The following CDK19 variants were observed in gnomAD, a reference collection of about 807,000 sequenced individuals.
CDK19 encodes cyclin dependent kinase 19, also known as cyclin-dependent kinase 19.
CDK19 carries 20 observed loss-of-function variants against 68.3 expected under a neutral mutation model. The observed-to-expected ratio is 0.29, with a 90% CI of 0.21 to 0.43. The LOEUF is 0.43. Among genes scored for constraint, CDK19 ranks in the 20% least tolerant of loss-of-function variants. CDK19 has a pLI of 1.00. For missense variants in CDK19, 339 were observed against 623.5 expected, an observed-to-expected ratio of 0.54 and a Z score of 4.86; for synonymous variants, 221 against 222.8, an observed-to-expected ratio of 0.99 and a Z score of 0.07.
At chr6:110,715,128 T>C (rs1775273142) in intron 2 of CDK19, among the ~76,000 whole-genome samples, 1 of 152,198 alleles carries the variant, frequency 6.6e-6, no homozygotes, top group East Asian at 1.9e-4. Context: ...CACCTTTTCT[T>C]GAATTCTTCA....
intron 1 of CDK19, among the ~76,000 whole-genome samples, chr6:110,766,621 T>C (rs1006796198): frequency 3.9e-5 from 6 of 152,132 alleles, no homozygotes; most frequent in East Asian, 1.9e-4. Flanking sequence ...TGCAGCATCA[T>C]TGACCCTGCA....
intron 2 of CDK19, chr6:110,706,371 A>T (rs1774473241): frequency 6.6e-6 from 1 of 150,702 alleles, no homozygotes; most frequent in African/African-American, 2.4e-5. Flanking sequence ...TGTTGTTTAC[A>T]ACAATGTCAA....
intron 2 of CDK19, among the ~76,000 whole-genome samples, chr6:110,720,753 G>A (rs193178080): frequency 8.6e-5 from 13 of 151,592 alleles, no homozygotes; most frequent in East Asian, 3.9e-4. Flanking sequence ...TGTAGTCCCA[G>A]CTACTTGGGA....
At chr6:110,711,012 TTA>T (rs1774900805) in intron 2 of CDK19, among the ~76,000 whole-genome samples, 2 of 152,134 alleles carry the variant, frequency 1.3e-5, no homozygotes, top group African/African-American at 4.8e-5. Context: ...GTTATGAATA[TTA>T]GAGACATCCA....
chr6:110,615,728 G>C (rs1778270536), intron 12 of CDK19, among the ~76,000 whole-genome samples: 1 of 152,074 alleles, frequency 6.6e-6, no homozygotes, highest in African/African-American at 2.4e-5. Flanking sequence ...CTACTAAAAG[G>C]CCACAAGTTT....
intron 8 of CDK19, 149 bp from the exon 9 acceptor site, chr6:110,623,511 G>C: frequency 9.4e-7 from 1 of 1,061,968 alleles, no homozygotes; most frequent in East Asian, 2.6e-5. Context: ...CCAAATATTA[G>C]CAAATGTGTG....
chr6:110,814,758 G>A (rs1263169204), intron 1 of CDK19: 2 of 648,084 alleles, frequency 3.1e-6, no homozygotes, highest in Non-Finnish European at 2.8e-6. Flanking sequence ...GCACTCGGAG[G>A]GCGCCCCTCT....
Position 110,613,199 on chromosome 6 carries a change from T to C in CDK19, c.*1336A>G, listed in dbSNP as rs1462557850. The stretch of plus-strand genomic sequence containing the variant: ...AAGAAAGAACTCAGCCACTAATTCA[T>C]AGATAATGGAAATGCAAATATTCAC... On this transcript the variant is annotated 3_prime_UTR_variant, in exon 13 of 13. Coordinates refer to ENST00000368911, the MANE Select transcript of CDK19 (RefSeq NM_015076.5). 2.0e-5 allele frequency: 3 copies of C among 150,576 alleles called. No individual in the cohort carries two copies. Among genetic ancestry groups the C allele is most frequent in the African/African-American group, 7.3e-5 (3 of 40,844 alleles). The allele number at this position is 150,576 out of a possible 1,614,324, so 9.3% of individuals were successfully genotyped here. A position where few individuals can be genotyped will look rare whatever the true frequency, so the allele number is the denominator to read the frequency against.
intron 2 of CDK19, among the ~76,000 whole-genome samples, chr6:110,731,106 A>T (rs1776716203): frequency 6.8e-6 from 1 of 147,316 alleles, no homozygotes; most frequent in Non-Finnish European, 1.5e-5. Flanking sequence ...GAAAGAAAAG[A>T]AAAGAAAGGA....
Position 110,610,162 on chromosome 6 carries a change from C to T in CDK19, c.*4373G>A, listed in dbSNP as rs1777947833. 6.6e-6 allele frequency: 1 copy of T among 152,224 alleles called. No homozygotes were observed. Among genetic ancestry groups the T allele is most frequent in the African/African-American group, 2.4e-5 (1 of 41,428 alleles). 9.4% of individuals were successfully genotyped at this position (152,224 alleles called of 1,614,324 possible). Reference sequence around the variant, plus strand: ...CTCGCTGGGGTGCAGCGGCTCTGAGCACAAACCTCGCAGTGGAGCACGAAA... The same window carrying T: ...CTCGCTGGGGTGCAGCGGCTCTGAGTACAAACCTCGCAGTGGAGCACGAAA... On this transcript the variant is annotated 3_prime_UTR_variant, in exon 13 of 13. Coordinates refer to ENST00000368911, the MANE Select transcript of CDK19 (RefSeq NM_015076.5).
At chr6:110,805,376 C>T (rs1046612939) in intron 1 of CDK19, among the ~76,000 whole-genome samples, 2 of 151,848 alleles carry the variant, frequency 1.3e-5, no homozygotes. Flanking sequence ...TTTAAACATC[C>T]AAATACTCTA....
rs2114531812 is a variant in CDK19, at chr6:110,611,984, T to G, written c.*2551A>C. The G allele has an allele frequency of 6.6e-6, 1 of 152,334 alleles. No individual in the cohort carries two copies. Among genetic ancestry groups the G allele is most frequent in the Middle Eastern group, 3.4e-3 (1 of 294 alleles). 9.4% of individuals were successfully genotyped at this position (152,334 alleles called of 1,614,324 possible). A position where few individuals can be genotyped will look rare whatever the true frequency, so the allele number is the denominator to read the frequency against. ...CTATGTCCTGGAGGATATTGTATAC[T>G]GGGAGCAACTGACGAAATCCCCTTA... On this transcript the variant is annotated 3_prime_UTR_variant, in exon 13 of 13. Transcript: ENST00000368911.
intron 4 of CDK19, among the ~76,000 whole-genome samples, chr6:110,658,664 A>G (rs1781441616): frequency 6.6e-6 from 1 of 152,208 alleles, no homozygotes; most frequent in African/African-American, 2.4e-5. Flanking sequence ...TGGCAAAAAT[A>G]TTTGTAATAT....
chr6:110,728,327 C>T (rs1399167088), intron 2 of CDK19, among the ~76,000 whole-genome samples: 1 of 151,632 alleles, frequency 6.6e-6, no homozygotes, highest in Non-Finnish European at 1.5e-5. Flanking sequence ...AGAGCACATG[C>T]TATCTATTAG....
intron 1 of CDK19, among the ~76,000 whole-genome samples, chr6:110,757,552 T>C (rs954141445): frequency 1.3e-5 from 2 of 152,222 alleles, no homozygotes; most frequent in African/African-American, 2.4e-5. Flanking sequence ...ATTATTATGA[T>C]ATGGTTAATT....
At chr6:110,656,335 C>T (rs1280723692) in intron 4 of CDK19, among the ~76,000 whole-genome samples, 1 of 152,122 alleles carries the variant, frequency 6.6e-6, no homozygotes, top group African/African-American at 2.4e-5. Flanking sequence ...CACTACTTCC[C>T]CCCACAGAAA....
intron 2 of CDK19, among the ~76,000 whole-genome samples, chr6:110,683,701 CTTTTTT>C (rs200335188): frequency 7.8e-6 from 1 of 127,394 alleles, no homozygotes; most frequent in Non-Finnish European, 1.7e-5. Flanking sequence ...AGTATTTAAT[CTTTTTT>C]TTTTTTTTTT....
intron 4 of CDK19, among the ~76,000 whole-genome samples, chr6:110,653,543 A>C (rs1781110043): frequency 6.6e-6 from 1 of 152,212 alleles, no homozygotes; most frequent in African/African-American, 2.4e-5. Flanking sequence ...AAAGAAAGTG[A>C]TACTGCTGGG....
rs553124199 is a variant in CDK19, at chr6:110,766,353, T to C, written c.129-20152A>G. On this transcript the variant is annotated intron_variant, in intron 1 of 12. Coordinates refer to ENST00000368911, the MANE Select transcript of CDK19 (RefSeq NM_015076.5). ...ACTTTGGGAGGCCAAGGCAGACGGA[T>C]CACTTGACATCAGGGGTGCAGGACC... 2.0e-5 allele frequency among the ~76,000 whole-genome samples: 3 copies of C among 151,570 alleles called. No homozygotes were observed. The East Asian group carries it at 5.9e-4, about 30-fold the overall frequency.
Sources: allele counts gnomAD v4.1 joint callset (sites outside exome capture counted in the v4.1 genomes callset), GRCh38; gene constraint gnomAD v4.1.1; transcripts MANE v1.5; gene names NCBI Gene and HGNC (gene_info 2026-07-23, HGNC 2026-07-21).